FAM135B: variants seen among roughly 807,000 people sequenced by gnomAD.
FAM135B encodes the protein family with sequence similarity 135 member B, also known as protein FAM135B.
A neutral mutation model predicts 127.7 loss-of-function variants in FAM135B; 43 were observed. The ratio of observed to expected loss-of-function variants is 0.34; its 90% CI spans 0.26 to 0.43. FAM135B has a LOEUF of 0.43. Among genes scored for constraint, FAM135B ranks in the 20% least tolerant of loss-of-function variants. The probability of loss-of-function intolerance (pLI) is 1.00; values close to 1 mark genes in which losing one functional copy is unlikely to be tolerated. For missense variants in FAM135B, 1,558 were observed against 1,725.6 expected, an observed-to-expected ratio of 0.90 and a Z score of 1.72; for synonymous variants, 670 against 665.1, an observed-to-expected ratio of 1.01 and a Z score of -0.11.
intron 3 of FAM135B, among the ~76,000 whole-genome samples, chr8:138,282,709 A>C (rs937283798): frequency 6.6e-6 from 1 of 152,196 alleles, no homozygotes; most frequent in Non-Finnish European, 1.5e-5. Context: ...GGTAACAACA[A>C]TAACTCTCAT....
Position 138,256,638 on chromosome 8 carries a change from G to A in FAM135B, c.368+51C>T, listed in dbSNP as rs575849269. ...GAGGCTATCCCAAGAGTGGGGAAGC[G>A]GGGAGGAGAGCACTGTGCTACTACA... On this transcript the variant is annotated intron_variant, in intron 5 of 19. Transcript: ENST00000395297. 29 of 1,460,438 alleles carry A rather than the reference G, an allele frequency of 2.0e-5. No individual in the cohort carries two copies. The East Asian group carries it at 2.1e-4, about 10-fold the overall frequency. The allele number at this position is 1,460,438 out of a possible 1,614,324, so 90.5% of individuals were successfully genotyped here. A position where few individuals can be genotyped will look rare whatever the true frequency, so the allele number is the denominator to read the frequency against.
At chr8:138,188,087 G>A (rs903010772) in intron 9 of FAM135B, among the ~76,000 whole-genome samples, 1 of 152,198 alleles carries the variant, frequency 6.6e-6, no homozygotes, top group African/African-American at 2.4e-5. Context: ...TCAACTGCTA[G>A]GAGGAGCTCT....
chr8:138,185,099 C>T (rs1042902294), intron 9 of FAM135B, among the ~76,000 whole-genome samples: 8 of 152,090 alleles, frequency 5.3e-5, no homozygotes, highest in Non-Finnish European at 8.8e-5. Context: ...CCCTGACCTG[C>T]GGGACAGGGA....
intron 2 of FAM135B, among the ~76,000 whole-genome samples, chr8:138,362,639 A>G (rs558828561): frequency 1.3e-5 from 2 of 152,266 alleles, no homozygotes; most frequent in Admixed American, 1.3e-4. Context: ...AGTTATAGAG[A>G]GTCTTGGGGA....
At chr8:138,341,992 GT>G (rs1195403088) in intron 2 of FAM135B, among the ~76,000 whole-genome samples, 1 of 152,098 alleles carries the variant, frequency 6.6e-6, no homozygotes, top group Non-Finnish European at 1.5e-5. Flanking sequence ...CCAAGTTTTG[GT>G]GCTCTCAAGC....
intron 1 of FAM135B, among the ~76,000 whole-genome samples, chr8:138,475,759 A>T (rs1814392450): frequency 6.6e-6 from 1 of 152,218 alleles, no homozygotes; most frequent in Non-Finnish European, 1.5e-5. Context: ...GGAACAACAG[A>T]CATGTTTTTA....
At chr8:138,483,799 TCA>T (rs888507085) in intron 1 of FAM135B, among the ~76,000 whole-genome samples, 1 of 152,184 alleles carries the variant, frequency 6.6e-6, no homozygotes, top group African/African-American at 2.4e-5. Flanking sequence ...CAATCCAGTC[TCA>T]GTTTTAACTT....
chr8:138,178,931 A>T (rs2130986932), intron 9 of FAM135B, among the ~76,000 whole-genome samples: 1 of 152,328 alleles, frequency 6.6e-6, no homozygotes, highest in East Asian at 1.9e-4. Context: ...CTATAGAAAA[A>T]CATCCAAAGC....
chr8:138,463,349 A>C (rs1457903789), intron 1 of FAM135B, among the ~76,000 whole-genome samples: 3 of 152,198 alleles, frequency 2.0e-5, no homozygotes, highest in Non-Finnish European at 4.4e-5. Context: ...CAGGAGTTAG[A>C]AAAGGGAGAG....
chr8:138,161,859 T>C (rs970795215), intron 12 of FAM135B, among the ~76,000 whole-genome samples: 1 of 152,256 alleles, frequency 6.6e-6, no homozygotes, highest in Admixed American at 6.5e-5. Flanking sequence ...ATTGCCATAC[T>C]ATGATCTGTT....
chr8:138,395,403 A>G (rs1397995787), intron 1 of FAM135B, among the ~76,000 whole-genome samples: 1 of 151,978 alleles, frequency 6.6e-6, no homozygotes, highest in Non-Finnish European at 1.5e-5. Flanking sequence ...TGAGCCAGAG[A>G]GCTACAGAAC....
At chr8:138,276,615 G>A (rs548694597) in intron 3 of FAM135B, among the ~76,000 whole-genome samples, 3 of 152,216 alleles carry the variant, frequency 2.0e-5, no homozygotes, top group African/African-American at 7.2e-5. Flanking sequence ...CTCCCTCCAA[G>A]TTCTGAGGCA....
chr8:138,444,622 T>C (rs1012778461), intron 1 of FAM135B, among the ~76,000 whole-genome samples: 6 of 152,116 alleles, frequency 3.9e-5, no homozygotes, highest in Non-Finnish European at 8.8e-5. Context: ...AGACACAACA[T>C]ACCAGAATCT....
chr8:138,399,227 T>G (rs76249303), intron 1 of FAM135B, among the ~76,000 whole-genome samples: 348 of 152,308 alleles, frequency 2.3e-3, no homozygotes, highest in African/African-American at 7.9e-3. Context: ...CTCAGAAGTG[T>G]CTGGCTTTGA....
At chr8:138,412,475 C>G (rs1044143327) in intron 1 of FAM135B, among the ~76,000 whole-genome samples, 1 of 152,176 alleles carries the variant, frequency 6.6e-6, no homozygotes, top group African/African-American at 2.4e-5. Context: ...TTCCAACACA[C>G]TTCTTCAGGT....
chr8:138,233,285 G>A (rs558249954), intron 7 of FAM135B, among the ~76,000 whole-genome samples: 17 of 152,224 alleles, frequency 1.1e-4, no homozygotes, highest in African/African-American at 4.1e-4. Flanking sequence ...AATTGTAGAC[G>A]CTAAATATGT....
chr8:138,305,760 A>G (rs1000197458), intron 3 of FAM135B, among the ~76,000 whole-genome samples: 6 of 152,294 alleles, frequency 3.9e-5, no homozygotes, highest in Non-Finnish European at 7.4e-5. Context: ...TTTTGATCCA[A>G]ATGTCATATG....
intron 2 of FAM135B, among the ~76,000 whole-genome samples, chr8:138,340,519 C>T (rs367825143): frequency 1.3e-5 from 2 of 152,252 alleles, no homozygotes; most frequent in South Asian, 2.1e-4. Flanking sequence ...TGGGTCCTGG[C>T]CACACAGCTA....
intron 1 of FAM135B, chr8:138,439,427 G>C (rs1327403484): frequency 6.6e-6 from 1 of 152,120 alleles, no homozygotes; most frequent in Non-Finnish European, 1.5e-5. Flanking sequence ...GACCTCAGTA[G>C]TCCTCATGGG....
Sources: gnomAD v4.1 joint callset for allele counts (sites outside exome capture counted in the v4.1 genomes callset) on GRCh38, gnomAD v4.1.1 for gene constraint, MANE v1.5 for transcripts, NCBI Gene and HGNC (gene_info 2026-07-23, HGNC 2026-07-21) for gene names.